DLGAP2: variants seen among roughly 807,000 people sequenced by gnomAD.
The protein encoded by DLGAP2 is disks large-associated protein 2.
DLGAP2 carries 26 observed loss-of-function variants against 100.3 expected under a neutral mutation model. That is an observed-to-expected ratio of 0.26 (90% CI 0.19 to 0.36). The LOEUF (loss-of-function observed/expected upper bound fraction) is 0.36, where lower values mean the gene tolerates loss of function less well. Ranked by LOEUF, DLGAP2 falls within the 10% of genes least tolerant of loss-of-function variation. DLGAP2 has a pLI of 1.00. For synonymous variants in DLGAP2, 886 were observed against 630.1 expected (o/e 1.41, Z -6.08); for missense variants, 1,858 against 1,453.2 (o/e 1.28, Z -4.53).
chr8:1,423,599 G>A (rs531503877), intron 3 of DLGAP2, among the ~76,000 whole-genome samples: 6 of 152,324 alleles, frequency 3.9e-5, no homozygotes, highest in East Asian at 3.9e-4. Context: ...GAGGGAACAC[G>A]ATGTTGGGAG....
chr8:738,055 G>A (rs1820365792), intron 1 of DLGAP2: 1 of 287,184 alleles, frequency 3.5e-6, no homozygotes, highest in Admixed American at 5.2e-5. Flanking sequence ...GCGCATCCCT[G>A]GCCGCGCTCG....
chr8:1,577,912 CG>C (rs1337022525), intron 6 of DLGAP2, among the ~76,000 whole-genome samples: 2 of 152,236 alleles, frequency 1.3e-5, no homozygotes, highest in Non-Finnish European at 2.9e-5. Flanking sequence ...CTGGCACCAG[CG>C]CGAGTGCTCA....
rs71516115 is a variant in DLGAP2, at chr8:840,297, C to T, written c.19-67615C>T. Among the ~76,000 whole-genome samples the T allele has an allele frequency of 0.03, 1,097 of 36,280 alleles. 39 individuals carry two copies. In the East Asian group the frequency reaches 0.31, roughly 10 times the overall value. The allele number at this position is 36,280 out of a possible 152,430, so 23.8% of individuals were successfully genotyped here. On this transcript the variant is annotated intron_variant, in intron 1 of 14. Coordinates refer to ENST00000637795, the MANE Select transcript of DLGAP2 (RefSeq NM_001346810.2). ...CCCCACACTCTGGATTCTGCGAGCG[C>T]GTCCACACGGTGCACGCCTGCACGT...
intron 3 of DLGAP2, among the ~76,000 whole-genome samples, chr8:1,468,728 C>T (rs1485550861): frequency 6.6e-6 from 1 of 151,364 alleles, no homozygotes; most frequent in African/African-American, 2.5e-5. Flanking sequence ...ATCTTCTCGC[C>T]ATTCTGGATG....
chr8:1,638,051 G>A (rs912599862), intron 8 of DLGAP2, among the ~76,000 whole-genome samples: 3 of 152,200 alleles, frequency 2.0e-5, no homozygotes, highest in Admixed American at 6.5e-5. Context: ...GGAGGGAGAG[G>A]CTGGAAGGCA....
At chr8:1,373,256 C>T (rs556187355) in intron 3 of DLGAP2, among the ~76,000 whole-genome samples, 492 of 150,380 alleles carry the variant, frequency 3.3e-3, no homozygotes, top group East Asian at 8.9e-3. Context: ...CGGGGGGAGG[C>T]GCCGCCGCCA....
At chr8:1,669,058 C>CA (rs1284467610) in intron 9 of DLGAP2, among the ~76,000 whole-genome samples, 17 of 152,280 alleles carry the variant, frequency 1.1e-4, no homozygotes, top group African/African-American at 4.1e-4. Flanking sequence ...TCTGATTTTT[C>CA]AAAAGCTTTT....
At chr8:771,881 T>C (rs1439414364) in intron 1 of DLGAP2, among the ~76,000 whole-genome samples, 3 of 152,218 alleles carry the variant, frequency 2.0e-5, no homozygotes, top group Non-Finnish European at 4.4e-5. Context: ...GGGGACAGAA[T>C]TCTAGGCTCA....
intron 2 of DLGAP2, among the ~76,000 whole-genome samples, chr8:1,210,347 C>G (rs1373941943): frequency 9.1e-6 from 1 of 109,722 alleles, no homozygotes; most frequent in Non-Finnish European, 1.7e-5. Context: ...CCAGATGAAA[C>G]CAGTGCAGTG....
At chr8:1,646,124 AT>A (rs1798035146) in intron 8 of DLGAP2, among the ~76,000 whole-genome samples, 1 of 152,120 alleles carries the variant, frequency 6.6e-6, no homozygotes, top group Non-Finnish European at 1.5e-5. Context: ...TGAGGTTAGC[AT>A]TTGGAGGGGT....
At chr8:1,474,462 T>C (rs114896940) in intron 3 of DLGAP2, among the ~76,000 whole-genome samples, 2,344 of 152,304 alleles carry the variant, frequency 0.015, 54 homozygotes, top group African/African-American at 0.054. Context: ...CTCACTGTTT[T>C]CCATAGTGGT....
intron 3 of DLGAP2, among the ~76,000 whole-genome samples, chr8:1,321,003 G>A (rs1226115544): frequency 2.6e-5 from 4 of 152,082 alleles, no homozygotes; most frequent in African/African-American, 9.7e-5. Context: ...GTGTGCCTCT[G>A]CGTGTGTGTG....
At chr8:1,601,539 G>C (rs911534062) in intron 6 of DLGAP2, among the ~76,000 whole-genome samples, 2 of 152,178 alleles carry the variant, frequency 1.3e-5, no homozygotes, top group South Asian at 2.1e-4. Context: ...CCCTGACTGG[G>C]GCTGCTGCCT....
chr8:1,412,589 T>G (rs994182710), intron 3 of DLGAP2, among the ~76,000 whole-genome samples: 6 of 152,328 alleles, frequency 3.9e-5, no homozygotes, highest in African/African-American at 1.4e-4. Flanking sequence ...GATAAGTTGC[T>G]TCACCCCTCT....
intron 1 of DLGAP2, among the ~76,000 whole-genome samples, chr8:748,313 C>T (rs1281525466): frequency 6.9e-6 from 1 of 144,156 alleles, no homozygotes; most frequent in Non-Finnish European, 1.5e-5. Flanking sequence ...TGGGGGACTC[C>T]GTGGTGGGAT....
intron 13 of DLGAP2, among the ~76,000 whole-genome samples, chr8:1,694,548 A>G (rs141646070): frequency 1.8e-4 from 28 of 152,280 alleles, no homozygotes; most frequent in South Asian, 8.3e-4. Flanking sequence ...TTAACCTCAA[A>G]GCGTGTGGCC....
intron 2 of DLGAP2, among the ~76,000 whole-genome samples, chr8:1,176,865 G>C (rs1442515775): frequency 1.3e-5 from 2 of 152,164 alleles, no homozygotes; most frequent in Non-Finnish European, 2.9e-5. Flanking sequence ...TGGAGTAGCA[G>C]AGAGAGCCAA....
intron 1 of DLGAP2, among the ~76,000 whole-genome samples, chr8:764,701 A>C (rs906791408): frequency 2.0e-5 from 3 of 152,170 alleles, no homozygotes; most frequent in Admixed American, 6.5e-5. Flanking sequence ...GCCCCATCAC[A>C]CACCTTGTGG....
intron 2 of DLGAP2, among the ~76,000 whole-genome samples, chr8:1,024,307 G>A (rs1379473729): frequency 7.4e-5 from 9 of 121,778 alleles, no homozygotes; most frequent in East Asian, 2.3e-4. Context: ...GTCCCGTGCC[G>A]AGGCAGACAC....
Sources: gnomAD v4.1 joint callset for allele counts (sites outside exome capture counted in the v4.1 genomes callset) on GRCh38, gnomAD v4.1.1 for gene constraint, MANE v1.5 for transcripts, NCBI Gene and HGNC (gene_info 2026-07-23, HGNC 2026-07-21) for gene names.